Variants in NFYC observed in about 807,000 individuals in gnomAD.
NFYC encodes the protein nuclear transcription factor Y subunit gamma, also known as CAAT box DNA-binding protein subunit C.
A neutral mutation model predicts 53.1 loss-of-function variants in NFYC; 25 were observed. The observed-to-expected ratio is 0.47, with a 90% CI of 0.34 to 0.66. NFYC has a LOEUF of 0.66. NFYC is among the 30% of genes least tolerant of loss of function. The probability of loss-of-function intolerance (pLI) is 0.01; values close to 1 mark genes in which losing one functional copy is unlikely to be tolerated. For synonymous variants in NFYC, 145 were observed against 152.6 expected, an observed-to-expected ratio of 0.95 and a Z score of 0.37; for missense variants, 260 against 422.7, an observed-to-expected ratio of 0.62 and a Z score of 3.38.
In NFYC at chr1:40,696,359, C is replaced by T. The variant is rs1643144684; in HGVS notation, c.-9+4492C>T. 1.3e-5 allele frequency among the ~76,000 whole-genome samples: 2 copies of T among 152,126 alleles called. 1 individual carries two copies. Among genetic ancestry groups the T allele is most frequent in the South Asian group, 4.2e-4 (2 of 4,814 alleles). The stretch of plus-strand genomic sequence containing the variant: ...ATTCTTAATTCTTATGTAAATGAAG[C>T]CCTTACTCTTAAACACTGTGTTGAC... On this transcript the variant is annotated intron_variant, in intron 1 of 9. Coordinates refer to ENST00000447388, the MANE Select transcript of NFYC (RefSeq NM_014223.5).
chr1:40,728,874 G>T (rs563835570), intron 1 of NFYC, among the ~76,000 whole-genome samples: 1 of 152,304 alleles, frequency 6.6e-6, no homozygotes, highest in Admixed American at 6.5e-5. Context: ...CTGACCTCAG[G>T]TTATCCGCCC....
rs552579752 is a variant in NFYC at position 40,768,000 on chromosome 1, C to T, written c.828+1297C>T. ...CAAAAAATAAAAATTAAAAAAAGTC[C>T]GTTTTGGGAACAGAACTAAAGCCAA... On this transcript the variant is annotated intron_variant, in intron 8 of 9. Coordinates refer to ENST00000447388, the MANE Select transcript of NFYC (RefSeq NM_014223.5). Among the ~76,000 whole-genome samples the T allele has an allele frequency of 3.3e-5, 5 of 152,110 alleles. No individual in the cohort carries two copies. In the South Asian group the frequency reaches 8.3e-4, roughly 25 times the overall value.
intron 1 of NFYC, among the ~76,000 whole-genome samples, chr1:40,694,028 G>A (rs1642988885): frequency 8.3e-6 from 1 of 120,868 alleles, no homozygotes; most frequent in Admixed American, 8.1e-5. Context: ...GTAGATAATG[G>A]GGAAAAATAT....
At chr1:40,757,881 A>G in intron 5 of NFYC, 2 of 576,874 alleles carry the variant, frequency 3.5e-6, no homozygotes, top group Non-Finnish European at 3.1e-6. Flanking sequence ...GCAATGGGTG[A>G]TTATTTCGTA....
intron 2 of NFYC, among the ~76,000 whole-genome samples, chr1:40,744,187 A>G (rs1645492618): frequency 6.6e-6 from 1 of 152,194 alleles, no homozygotes; most frequent in Non-Finnish European, 1.5e-5. Flanking sequence ...CCTATCATGA[A>G]CTGCGCATGT....
intron 9 of NFYC, among the ~76,000 whole-genome samples, chr1:40,769,639 A>G (rs1296100988): frequency 6.6e-6 from 1 of 152,196 alleles, no homozygotes; most frequent in Non-Finnish European, 1.5e-5. Flanking sequence ...CCAAATTGCC[A>G]TTTTACAGAT....
chr1:40,756,178 G>A (rs961967240), intron 5 of NFYC, among the ~76,000 whole-genome samples: 1 of 152,194 alleles, frequency 6.6e-6, no homozygotes, highest in African/African-American at 2.4e-5. Flanking sequence ...GCTTTGCAAA[G>A]AGCAGTTGGC....
At chr1:40,759,542 A>G (rs1281221563) in intron 6 of NFYC, among the ~76,000 whole-genome samples, 1 of 140,164 alleles carries the variant, frequency 7.1e-6, no homozygotes, top group African/African-American at 2.7e-5. Context: ...TCTCAAAAAA[A>G]AAACAAAAAA....
intron 1 of NFYC, among the ~76,000 whole-genome samples, chr1:40,705,730 T>C (rs1643663574): frequency 6.6e-6 from 1 of 152,264 alleles, no homozygotes; most frequent in Admixed American, 6.5e-5. Context: ...ATTAGTCAGA[T>C]TTTTAAATTT....
chr1:40,725,609 A>G (rs1644481869), intron 1 of NFYC, among the ~76,000 whole-genome samples: 1 of 151,574 alleles, frequency 6.6e-6, no homozygotes, highest in Non-Finnish European at 1.5e-5. Context: ...AATAAATCCT[A>G]CCCCCCTTTC....
intron 8 of NFYC, chr1:40,768,897 C>T (rs1646951464): frequency 6.2e-6 from 1 of 160,834 alleles, no homozygotes; most frequent in Non-Finnish European, 1.4e-5. Flanking sequence ...GTCAGATGAT[C>T]TGGGTGATAC....
At chr1:40,724,447 G>A (rs1570442044) in intron 1 of NFYC, among the ~76,000 whole-genome samples, 1 of 152,246 alleles carries the variant, frequency 6.6e-6, no homozygotes, top group Non-Finnish European at 1.5e-5. Flanking sequence ...CTGTAGGCCA[G>A]ATGTGGCCTA....
chr1:40,746,129 T>G (rs188065701), intron 2 of NFYC, among the ~76,000 whole-genome samples: 1 of 152,362 alleles, frequency 6.6e-6, no homozygotes, highest in East Asian at 1.9e-4. Flanking sequence ...CGCTACTGTT[T>G]CCTTTTGTTG....
intron 4 of NFYC, 66 bp from the exon 5 acceptor site, chr1:40,753,085 G>A: frequency 8.6e-7 from 1 of 1,164,236 alleles, no homozygotes; most frequent in African/African-American, 1.5e-5. Flanking sequence ...TTACTTGGAG[G>A]GTATAAAGCC....
chr1:40,758,398 G>A, intron 6 of NFYC, 104 bp downstream of exon 6: 1 of 1,263,244 alleles, frequency 7.9e-7, no homozygotes, highest in Non-Finnish European at 1.1e-6. Flanking sequence ...TCATTATAGA[G>A]CACTGGATTT....
intron 2 of NFYC, among the ~76,000 whole-genome samples, chr1:40,742,257 T>C (rs1033855541): frequency 6.6e-6 from 1 of 151,946 alleles, no homozygotes; most frequent in Non-Finnish European, 1.5e-5. Flanking sequence ...GTTGTATGTA[T>C]ATACCACATT....
intron 1 of NFYC, among the ~76,000 whole-genome samples, chr1:40,720,893 C>T (rs898713674): frequency 4.0e-5 from 6 of 151,892 alleles, no homozygotes; most frequent in Admixed American, 6.6e-5. Context: ...TTTTTAAGTT[C>T]TTGAGGAACC....
At chr1:40,764,320 T>C (rs1646710141) in intron 7 of NFYC, among the ~76,000 whole-genome samples, 1 of 152,242 alleles carries the variant, frequency 6.6e-6, no homozygotes, top group Admixed American at 6.5e-5. Context: ...TTAGGAATTG[T>C]TCTTCATCTG....
chr1:40,736,883 T>C (rs983522834), intron 1 of NFYC, among the ~76,000 whole-genome samples: 1 of 149,162 alleles, frequency 6.7e-6, no homozygotes, highest in Non-Finnish European at 1.5e-5. Context: ...TCCCAGCACT[T>C]TGGGAGGACG....
Sources: gnomAD v4.1 joint callset for allele counts (sites outside exome capture counted in the v4.1 genomes callset) on GRCh38, gnomAD v4.1.1 for gene constraint, MANE v1.5 for transcripts, NCBI Gene and HGNC (gene_info 2026-07-23, HGNC 2026-07-21) for gene names.